The following PTPRK variants were observed in gnomAD, a reference collection of about 807,000 sequenced individuals.
The protein encoded by PTPRK is protein tyrosine phosphatase receptor type K.
A neutral mutation model predicts 178.0 loss-of-function variants in PTPRK; 75 were observed. The observed-to-expected ratio is 0.42, with a 90% confidence interval of 0.35 to 0.51. PTPRK has a LOEUF of 0.51. Ranked by LOEUF, PTPRK falls within the 20% of genes least tolerant of loss-of-function variation. The probability of loss-of-function intolerance (pLI) is 0.02; values close to 1 mark genes in which losing one functional copy is unlikely to be tolerated. For synonymous variants in PTPRK, 637 were observed against 620.6 expected (o/e 1.03, Z -0.39); for missense variants, 1,441 against 1,797.8 (o/e 0.80, Z 3.59).
chr6:128,499,339 T>A (rs1855209968), intron 1 of PTPRK, among the ~76,000 whole-genome samples: 1 of 152,198 alleles, frequency 6.6e-6, no homozygotes, highest in Non-Finnish European at 1.5e-5. Context: ...AGTAGTCAAT[T>A]AGTATTTGAA....
At chr6:128,362,608 T>C (rs910304437) in intron 2 of PTPRK, among the ~76,000 whole-genome samples, 2 of 152,194 alleles carry the variant, frequency 1.3e-5, no homozygotes, top group Non-Finnish European at 2.9e-5. Context: ...AAGAGAATTA[T>C]TGGCTGTCCA....
intron 1 of PTPRK, among the ~76,000 whole-genome samples, chr6:128,468,921 CAAAAAAAAA>C (rs375371831): frequency 0.015 from 1,364 of 90,588 alleles, 26 homozygotes; most frequent in African/African-American, 0.049. Context: ...AACACCTTTT[CAAAAAAAAA>C]AAAAAAAAAA....
chr6:128,322,232 T>C lies in PTPRK; in HGVS notation c.302A>G (p.Asn101Ser), dbSNP rs1268132441. The change falls in exon 3 of 30, where the codon AAC (asparagine) becomes AGC (serine). Residue 101 changes from asparagine to serine, a missense_variant. Transcript: ENST00000368226. ...ARLQLPTMKENDTHCIDFSYL... is the reference protein window; with the variant it reads ...ARLQLPTMKESDTHCIDFSYL... ...ACTGAAATCAATGCAGTGAGTGTCG[T>C]TCTCCTTCATTGTAGGCAGCTGAAG... is the stretch of plus-strand genomic sequence containing the variant. The C allele has an allele frequency of 6.2e-7, 1 of 1,613,562 alleles. No individual in the cohort carries two copies. Among genetic ancestry groups the C allele is most frequent in the Non-Finnish European group, 8.5e-7 (1 of 1,179,546 alleles).
At chr6:128,066,840 T>G (rs1418960453) in intron 12 of PTPRK, among the ~76,000 whole-genome samples, 3 of 152,214 alleles carry the variant, frequency 2.0e-5, no homozygotes, top group African/African-American at 4.8e-5. Flanking sequence ...TCTAATGTCC[T>G]GTTGTGTTTT....
At chr6:128,413,173 A>C (rs1347098025) in intron 1 of PTPRK, among the ~76,000 whole-genome samples, 3 of 152,158 alleles carry the variant, frequency 2.0e-5, no homozygotes, top group Non-Finnish European at 4.4e-5. Flanking sequence ...GGACAAGGCA[A>C]TTATATTCTA....
chr6:127,990,346 G>A (rs190282720), intron 21 of PTPRK, among the ~76,000 whole-genome samples: 23 of 151,962 alleles, frequency 1.5e-4, no homozygotes, highest in East Asian at 7.8e-4. Context: ...GACATAACCC[G>A]TCACTCCCTC....
chr6:128,087,158 A>C (rs1312227683), intron 8 of PTPRK, among the ~76,000 whole-genome samples: 1 of 152,126 alleles, frequency 6.6e-6, no homozygotes, highest in Admixed American at 6.5e-5. Flanking sequence ...CAATATGAAA[A>C]AGATTATATA....
At chr6:128,361,071 T>C (rs1052522774) in intron 2 of PTPRK, among the ~76,000 whole-genome samples, 9 of 152,152 alleles carry the variant, frequency 5.9e-5, no homozygotes, top group African/African-American at 1.9e-4. Flanking sequence ...AGTATCTAAA[T>C]TTATAAGGAC....
intron 1 of PTPRK, among the ~76,000 whole-genome samples, chr6:128,459,898 CA>C (rs60033261): frequency 0.034 from 5,229 of 152,172 alleles, 323 homozygotes; most frequent in African/African-American, 0.12. Context: ...GGAGAGGGCT[CA>C]GGGAGTTTTC....
At chr6:128,092,225 A>G (rs1347196073) in intron 7 of PTPRK, among the ~76,000 whole-genome samples, 2 of 152,158 alleles carry the variant, frequency 1.3e-5, no homozygotes, top group Admixed American at 6.5e-5. Context: ...TCAATATGTT[A>G]TTTGAAATTG....
intron 1 of PTPRK, among the ~76,000 whole-genome samples, chr6:128,516,010 A>G (rs539088063): frequency 5.3e-5 from 8 of 152,322 alleles, no homozygotes; most frequent in African/African-American, 1.7e-4. Flanking sequence ...ACAAACCATC[A>G]TTGCTAGAAA....
chr6:128,102,489 C>T (rs1788958321), intron 7 of PTPRK, among the ~76,000 whole-genome samples: 1 of 152,204 alleles, frequency 6.6e-6, no homozygotes, highest in South Asian at 2.1e-4. Flanking sequence ...TGACTACATG[C>T]TTTCATTGTA....
intron 7 of PTPRK, among the ~76,000 whole-genome samples, chr6:128,132,086 GTAAAATGAAA>G (rs1399466544): frequency 6.6e-6 from 1 of 152,118 alleles, no homozygotes; most frequent in Non-Finnish European, 1.5e-5. Context: ...AAAATGCTCA[GTAAAATGAAA>G]TAAAATGAAA....
chr6:128,423,256 T>C (rs368892258), intron 1 of PTPRK, among the ~76,000 whole-genome samples: 16 of 152,260 alleles, frequency 1.1e-4, no homozygotes, highest in African/African-American at 3.9e-4. Flanking sequence ...AAGAAGAAAA[T>C]AGGATCATTA....
chr6:127,981,329 C>T (rs1372276700), intron 24 of PTPRK, 40 bp from the exon 25 acceptor site: 1 of 1,553,696 alleles, frequency 6.4e-7, no homozygotes, highest in South Asian at 1.1e-5. Flanking sequence ...GACAGTGTGA[C>T]CCATTTAACA....
chr6:128,358,541 C>A (rs1271526678), intron 2 of PTPRK, among the ~76,000 whole-genome samples: 1 of 152,198 alleles, frequency 6.6e-6, no homozygotes, highest in African/African-American at 2.4e-5. Context: ...AAAGAAGAAT[C>A]TTGAGCAGAG....
chr6:128,407,083 G>A (rs1841741591), intron 1 of PTPRK, among the ~76,000 whole-genome samples: 1 of 152,170 alleles, frequency 6.6e-6, no homozygotes, highest in Non-Finnish European at 1.5e-5. Context: ...AGAAACGTGT[G>A]TCAATTAATT....
intron 3 of PTPRK, among the ~76,000 whole-genome samples, chr6:128,286,006 C>T (rs889714401): frequency 6.6e-6 from 1 of 152,106 alleles, no homozygotes; most frequent in African/African-American, 2.4e-5. Flanking sequence ...AAATCCCTTT[C>T]TGTACGGGAC....
intron 2 of PTPRK, among the ~76,000 whole-genome samples, chr6:128,345,033 A>AT (rs66515832): frequency 3.5e-5 from 5 of 144,866 alleles, no homozygotes; most frequent in African/African-American, 1.3e-4. Context: ...AAGCCAGGTG[A>AT]TTTTTTTTTT....
Sources: gnomAD v4.1 joint callset for allele counts (sites outside exome capture counted in the v4.1 genomes callset) on GRCh38, gnomAD v4.1.1 for gene constraint, MANE v1.5 for transcripts, NCBI Gene and HGNC (gene_info 2026-07-23, HGNC 2026-07-21) for gene names.